AKAP13: variants seen among roughly 807,000 people sequenced by gnomAD.
AKAP13 encodes A-kinase anchoring protein 13, also known as A-kinase anchor protein 13.
In AKAP13, 80 loss-of-function variants were observed where a neutral mutation model predicts 264.5. That is an observed-to-expected ratio of 0.30 (90% CI 0.25 to 0.36). The LOEUF is 0.36. Ranked by LOEUF, AKAP13 falls within the 10% of genes least tolerant of loss-of-function variation. AKAP13 has a pLI of 1.00. For synonymous variants in AKAP13, 1,380 were observed against 1,250.2 expected (o/e 1.10, Z -2.19); for missense variants, 3,712 against 3,435.2 (o/e 1.08, Z -2.01).
In AKAP13 at chr15:85,744,678, C is replaced by T. The variant is rs748043558; in HGVS notation, c.*1C>T. 7 of 1,604,656 alleles carry T rather than the reference C, an allele frequency of 4.4e-6. No individual in the cohort carries two copies. The highest frequency in any genetic ancestry group is 5.1e-6 in the Non-Finnish European group (6 of 1,175,852). On this transcript the variant is annotated 3_prime_UTR_variant, in exon 37 of 37. Coordinates refer to ENST00000394518, the MANE Select transcript of AKAP13 (RefSeq NM_007200.5). The stretch of plus-strand genomic sequence containing the variant: ...AGAGGGTGAAGAGATCTTCTGCTGA[C>T]CCTCTTCCTCTCTGCTGAGGCAGCT...
chr15:85,484,601 G>C (rs188256224), intron 1 of AKAP13, among the ~76,000 whole-genome samples: 5 of 152,312 alleles, frequency 3.3e-5, no homozygotes, highest in African/African-American at 1.2e-4. Flanking sequence ...GGCTGATGTA[G>C]ATTTTTTTCC....
chr15:85,520,588 C>G, intron 2 of AKAP13: 1 of 505,152 alleles, frequency 2.0e-6, no homozygotes, highest in South Asian at 1.4e-5. Context: ...GTTATTGGCT[C>G]AAGATTTTTG....
chr15:85,561,284 C>G (rs1191185924), intron 5 of AKAP13, among the ~76,000 whole-genome samples: 1 of 152,132 alleles, frequency 6.6e-6, no homozygotes, highest in African/African-American at 2.4e-5. Context: ...TCTCGAACTC[C>G]TGACCTCAGG....
In AKAP13 at chr15:85,550,518, A is replaced by G. The variant is rs147781278; in HGVS notation, c.662+6563A>G. Among the ~76,000 whole-genome samples, 966 of 152,322 alleles carry G rather than the reference A, an allele frequency of 6.3e-3. 10 individuals carry two copies. Among genetic ancestry groups the G allele is most frequent in the African/African-American group, 0.022 (905 of 41,570 alleles). ...GGGTTAGGTGGTGGAGTGACTACTC[A>G]AGAATACATATTTCACAATGGAACC... On this transcript the variant is annotated intron_variant, in intron 5 of 36. Transcript: ENST00000394518.
intron 1 of AKAP13, among the ~76,000 whole-genome samples, chr15:85,483,344 T>A (rs796289704): frequency 6.6e-6 from 1 of 152,196 alleles, no homozygotes; most frequent in Non-Finnish European, 1.5e-5. Context: ...CTTAAAACAT[T>A]GGCTGGGCAT....
chr15:85,624,354 C>CA (rs1273008222), intron 8 of AKAP13: 1 of 152,198 alleles, frequency 6.6e-6, no homozygotes, highest in Non-Finnish European at 1.5e-5. Context: ...CCCCCCGACT[C>CA]ACGACACTTG....
At chr15:85,617,361 A>G (rs981810262) in intron 8 of AKAP13, among the ~76,000 whole-genome samples, 2 of 152,184 alleles carry the variant, frequency 1.3e-5, no homozygotes, top group African/African-American at 4.8e-5. Context: ...CTCCTGCCTC[A>G]GCCTCCTGAA....
chr15:85,688,578 A>G (rs1161367212), intron 16 of AKAP13, among the ~76,000 whole-genome samples: 1 of 152,228 alleles, frequency 6.6e-6, no homozygotes, highest in African/African-American at 2.4e-5. Flanking sequence ...TGATTAACCT[A>G]GATATATTCC....
chr15:85,671,153 T>A (rs1282479444), intron 14 of AKAP13, among the ~76,000 whole-genome samples: 1 of 152,120 alleles, frequency 6.6e-6, no homozygotes, highest in Middle Eastern at 3.2e-3. Flanking sequence ...CATTGTTCCC[T>A]GATATAATTC....
intron 3 of AKAP13, among the ~76,000 whole-genome samples, chr15:85,530,305 A>G (rs1177505225): frequency 6.6e-6 from 1 of 152,082 alleles, no homozygotes; most frequent in Non-Finnish European, 1.5e-5. Context: ...GGCACTTCAC[A>G]GTTTTGGGTA....
chr15:85,709,828 C>T (rs2086534892), intron 18 of AKAP13, among the ~76,000 whole-genome samples: 2 of 152,070 alleles, frequency 1.3e-5, no homozygotes, highest in Admixed American at 1.3e-4. Context: ...GCTGAGATTA[C>T]AGGTGCCCGT....
At chr15:85,386,261 A>T (rs1431034082) in intron 1 of AKAP13, among the ~76,000 whole-genome samples, 1 of 151,948 alleles carries the variant, frequency 6.6e-6, no homozygotes, top group Non-Finnish European at 1.5e-5. Context: ...GCCTAACTTA[A>T]GAGCTCAAAG....
At chr15:85,506,450 C>G (rs533214478) in intron 2 of AKAP13, among the ~76,000 whole-genome samples, 7 of 151,940 alleles carry the variant, frequency 4.6e-5, no homozygotes, top group Non-Finnish European at 1.0e-4. Context: ...AGGAAGCTTA[C>G]GTAACAGTTG....
intron 3 of AKAP13, among the ~76,000 whole-genome samples, chr15:85,524,576 A>G (rs1309251388): frequency 6.6e-6 from 1 of 151,946 alleles, no homozygotes; most frequent in African/African-American, 2.4e-5. Flanking sequence ...TGTGTTTTGT[A>G]ACATTTTAGT....
intron 30 of AKAP13, among the ~76,000 whole-genome samples, chr15:85,732,980 G>A (rs551049879): frequency 6.6e-6 from 1 of 152,200 alleles, no homozygotes; most frequent in South Asian, 2.1e-4. Context: ...CTGTGTCTAC[G>A]CTGTCAGTTT....
intron 8 of AKAP13, chr15:85,621,521 G>A (rs181148268): frequency 8.7e-4 from 132 of 152,074 alleles, no homozygotes; most frequent in African/African-American, 2.8e-3. Context: ...TTTTGCCTGC[G>A]GGTGGGGAGA....
intron 33 of AKAP13, among the ~76,000 whole-genome samples, chr15:85,738,515 AAC>A (rs2088707257): frequency 6.6e-6 from 1 of 152,174 alleles, no homozygotes; most frequent in Non-Finnish European, 1.5e-5. Flanking sequence ...GTAGATAAGT[AAC>A]ATAAGTTACT....
intron 1 of AKAP13, among the ~76,000 whole-genome samples, chr15:85,483,604 G>A (rs1274016076): frequency 3.7e-5 from 5 of 136,272 alleles, no homozygotes; most frequent in Non-Finnish European, 7.7e-5. Flanking sequence ...CCGCAGTCCG[G>A]CCTGGGCGAC....
chr15:85,421,877 A>G (rs968027132), intron 1 of AKAP13, among the ~76,000 whole-genome samples: 2 of 152,218 alleles, frequency 1.3e-5, no homozygotes, highest in Non-Finnish European at 2.9e-5. Flanking sequence ...CATAAGGAAC[A>G]TTTGCAATTT....
Sources: allele counts gnomAD v4.1 joint callset (sites outside exome capture counted in the v4.1 genomes callset), GRCh38; gene constraint gnomAD v4.1.1; transcripts MANE v1.5; gene names NCBI Gene and HGNC (gene_info 2026-07-23, HGNC 2026-07-21).